The following ZNF521 variants were observed in gnomAD, a reference collection of about 807,000 sequenced individuals.
ZNF521 encodes zinc finger protein 521.
ZNF521 carries 14 observed loss-of-function variants against 105.5 expected under a neutral mutation model. The ratio of observed to expected loss-of-function variants is 0.13; its 90% CI spans 0.09 to 0.21. The LOEUF (loss-of-function observed/expected upper bound fraction) is 0.21, where lower values mean the gene tolerates loss of function less well. ZNF521 is among the 10% of genes least tolerant of loss of function. The probability of loss-of-function intolerance (pLI) is 1.00; values close to 1 mark genes in which losing one functional copy is unlikely to be tolerated. For synonymous variants in ZNF521, 635 were observed against 606.0 expected, an observed-to-expected ratio of 1.05 and a Z score of -0.70; for missense variants, 1,233 against 1,629.7, an observed-to-expected ratio of 0.76 and a Z score of 4.19.
At chr18:25,215,764 T>C (rs1905287120) in intron 4 of ZNF521, among the ~76,000 whole-genome samples, 1 of 152,112 alleles carries the variant, frequency 6.6e-6, no homozygotes, top group Admixed American at 6.6e-5. Context: ...ATGGGGGCAA[T>C]GGTCAGTATC....
chr18:25,118,074 G>C (rs1177359121), intron 5 of ZNF521, among the ~76,000 whole-genome samples: 2 of 152,066 alleles, frequency 1.3e-5, no homozygotes, highest in East Asian at 1.9e-4. Context: ...GCAAAACAAT[G>C]ATTTGAATGA....
intron 3 of ZNF521, among the ~76,000 whole-genome samples, chr18:25,265,543 C>T (rs1356093845): frequency 6.6e-6 from 1 of 152,196 alleles, no homozygotes; most frequent in Non-Finnish European, 1.5e-5. Context: ...ATCCATCCTC[C>T]TCATTCATTC....
At chr18:25,120,289 C>T (rs1294028772) in intron 5 of ZNF521, among the ~76,000 whole-genome samples, 5 of 152,058 alleles carry the variant, frequency 3.3e-5, no homozygotes, top group Admixed American at 3.3e-4. Context: ...TTTTATAAAA[C>T]TTGTAGGATC....
At chr18:25,135,535 G>C (rs145898457) in intron 5 of ZNF521, among the ~76,000 whole-genome samples, 14 of 152,226 alleles carry the variant, frequency 9.2e-5, no homozygotes, top group Middle Eastern at 3.4e-3. Context: ...AAAATTCTCT[G>C]CAATTAAAGA....
chr18:25,162,560 G>A (rs1434300072), intron 5 of ZNF521, among the ~76,000 whole-genome samples: 3 of 152,266 alleles, frequency 2.0e-5, no homozygotes, highest in East Asian at 3.9e-4. Context: ...ATTTTTAAAT[G>A]TTTTCTATAA....
At position 25,247,533 on chromosome 18, in the gene ZNF521, C is replaced by T. The variant is rs575709330; in HGVS notation, c.221-19836G>A. ...CTACTCCACTCCTAGAAATTCTTAT[C>T]GCATTGGACTAGAGGTGAAGTTTAG... On this transcript the variant is annotated intron_variant, in intron 3 of 7. Transcript: ENST00000361524. 3.3e-5 allele frequency among the ~76,000 whole-genome samples: 5 copies of T among 152,304 alleles called. No homozygotes were observed. In the East Asian group the frequency reaches 7.7e-4, roughly 24 times the overall value.
At chr18:25,263,030 T>C (rs1288790947) in intron 3 of ZNF521, among the ~76,000 whole-genome samples, 2 of 152,246 alleles carry the variant, frequency 1.3e-5, no homozygotes, top group Non-Finnish European at 2.9e-5. Context: ...TCTCCTTTTC[T>C]GTTTTGTAAT....
intron 5 of ZNF521, among the ~76,000 whole-genome samples, chr18:25,146,095 T>C (rs2144461982): frequency 6.6e-6 from 1 of 152,320 alleles, no homozygotes; most frequent in South Asian, 2.1e-4. Flanking sequence ...TCCTATTTTA[T>C]GGATTAGGAG....
chr18:25,343,967 T>G (rs1171489254), intron 2 of ZNF521, among the ~76,000 whole-genome samples: 1 of 152,134 alleles, frequency 6.6e-6, no homozygotes. Flanking sequence ...GCCATAATAA[T>G]GATACCCACA....
At chr18:25,220,112 G>A (rs1169233017) in intron 4 of ZNF521, among the ~76,000 whole-genome samples, 2 of 152,176 alleles carry the variant, frequency 1.3e-5, no homozygotes, top group African/African-American at 4.8e-5. Flanking sequence ...AAACCTACAG[G>A]AAGGGGCTAG....
At chr18:25,230,027 A>C (rs1906431782) in intron 3 of ZNF521, among the ~76,000 whole-genome samples, 1 of 152,204 alleles carries the variant, frequency 6.6e-6, no homozygotes, top group Non-Finnish European at 1.5e-5. Context: ...ATGCCTGACT[A>C]TATCTATTAT....
Position 25,342,407 on chromosome 18 carries a change from TG to T in ZNF521, c.40+8499del, listed in dbSNP as rs201533580. ...ACAGCCTTTTTCCTTTTCTTTCCTT[TG>T]TTTTTTTTTTGTTTGTTTGTTTGTT... On this transcript the variant is annotated intron_variant, in intron 2 of 7. Transcript: ENST00000361524. Among the ~76,000 whole-genome samples, 69 of 108,482 alleles carry T rather than the reference TG, an allele frequency of 6.4e-4. 1 individual carries two copies. In the East Asian group the frequency reaches 8.2e-3, roughly 13 times the overall value. 71.2% of individuals were successfully genotyped at this position (108,482 alleles called of 152,430 possible). A position where few individuals can be genotyped will look rare whatever the true frequency, so the allele number is the denominator to read the frequency against.
chr18:25,174,787 C>T (rs763189112), intron 5 of ZNF521, among the ~76,000 whole-genome samples: 2 of 152,186 alleles, frequency 1.3e-5, no homozygotes, highest in South Asian at 4.1e-4. Flanking sequence ...AAATTTAAAT[C>T]CCCCAACCTT....
intron 3 of ZNF521, among the ~76,000 whole-genome samples, chr18:25,313,197 C>A (rs867970535): frequency 6.6e-6 from 1 of 152,192 alleles, no homozygotes; most frequent in Admixed American, 6.5e-5. Flanking sequence ...GCTTCTCCAG[C>A]CCCTTTTATC....
intron 3 of ZNF521, among the ~76,000 whole-genome samples, chr18:25,295,371 TAGAA>T (rs1342755542): frequency 4.6e-5 from 7 of 152,212 alleles, no homozygotes; most frequent in Non-Finnish European, 1.0e-4. Context: ...GCCATTATGT[TAGAA>T]AGAATGCTTT....
intron 3 of ZNF521, among the ~76,000 whole-genome samples, chr18:25,320,530 G>A (rs1028214397): frequency 1.3e-5 from 2 of 152,052 alleles, no homozygotes; most frequent in Non-Finnish European, 2.9e-5. Context: ...GAATAGATTT[G>A]TTCTTCAGAA....
chr18:25,314,195 C>CA (rs886473726), intron 3 of ZNF521, among the ~76,000 whole-genome samples: 75 of 149,676 alleles, frequency 5.0e-4, no homozygotes, highest in Middle Eastern at 3.4e-3. Flanking sequence ...AGGAAAACAG[C>CA]AAAAAAAAAG....
At chr18:25,285,069 A>C (rs1600257259) in intron 3 of ZNF521, among the ~76,000 whole-genome samples, 2 of 152,070 alleles carry the variant, frequency 1.3e-5, no homozygotes. Flanking sequence ...AAGGGAAAAA[A>C]AAAAAAAACA....
At chr18:25,114,386 T>C (rs2034262224) in intron 5 of ZNF521, among the ~76,000 whole-genome samples, 2 of 152,296 alleles carry the variant, frequency 1.3e-5, no homozygotes, top group Admixed American at 6.5e-5. Context: ...AGAGGTCAAA[T>C]TGGGGAAAAC....
Sources: allele counts gnomAD v4.1 joint callset (sites outside exome capture counted in the v4.1 genomes callset), GRCh38; gene constraint gnomAD v4.1.1; transcripts MANE v1.5; gene names NCBI Gene and HGNC (gene_info 2026-07-23, HGNC 2026-07-21).